The following GRB14 variants were observed in gnomAD, a reference collection of about 807,000 sequenced individuals.
The protein encoded by GRB14 is growth factor receptor-bound protein 14.
A neutral mutation model predicts 69.1 loss-of-function variants in GRB14; 38 were observed. The observed-to-expected ratio is 0.55, with a 90% CI of 0.42 to 0.72. The LOEUF is 0.72. Ranked by LOEUF, GRB14 falls within the 30% of genes least tolerant of loss-of-function variation. GRB14 has a pLI of 0.00. For missense variants in GRB14, 666 were observed against 666.1 expected (o/e 1.00, Z 0.00); for synonymous variants, 247 against 241.3 (o/e 1.02, Z -0.22).
Position 164,492,923 on chromosome 2 carries a change from C to T in GRB14, c.*113G>A. 2.2e-6 allele frequency: 2 copies of T among 920,338 alleles called. No individual in the cohort carries two copies. The highest frequency in any genetic ancestry group is 2.6e-5 in the East Asian group (1 of 37,914). 57.0% of individuals were successfully genotyped at this position (920,338 alleles called of 1,614,324 possible). On this transcript the variant is annotated 3_prime_UTR_variant, in exon 14 of 14. Transcript: ENST00000263915. ...GCACAAACTATTTTTTTGTAACTTG[C>T]AGGTGAAATACATTCTTTTCACATG...
chr2:164,538,874 A>G lies in GRB14; in HGVS notation c.481+8786T>C, dbSNP rs76760201. On this transcript the variant is annotated intron_variant, in intron 3 of 13. Coordinates refer to ENST00000263915, the MANE Select transcript of GRB14 (RefSeq NM_004490.3). ...AGGTGAACTGGGTTGGCTCAGTTCA[A>G]TCTCAGTAATTTCATTACCACCTGG... is the stretch of plus-strand genomic sequence containing the variant. Among the ~76,000 whole-genome samples the G allele has an allele frequency of 1.2e-3, 187 of 152,256 alleles. 6 individuals are homozygous for G. In the East Asian group the frequency reaches 0.033, roughly 27 times the overall value.
At chr2:164,603,472 T>G (rs763039786) in intron 2 of GRB14, among the ~76,000 whole-genome samples, 1 of 152,046 alleles carries the variant, frequency 6.6e-6, no homozygotes, top group Non-Finnish European at 1.5e-5. Context: ...GAGACCAGCC[T>G]GGCCAACATA....
In GRB14 at chr2:164,619,700, G is replaced by T. The variant is rs1351008737; in HGVS notation, c.311C>A (p.Ser104Ter). ...LSADLFPKAN[S>*]RKKQVIKVYS... ...AAAAATGCATACCTGTTTTTTCCTT[G>T]AATTTGCTTTGGGAAATAGGTCTGC... Residue 104 changes from serine (S) to a stop codon, truncating the protein, a stop_gained, in exon 2 of 14, where the codon TCA becomes TAA. Coordinates refer to ENST00000263915, the MANE Select transcript of GRB14 (RefSeq NM_004490.3). LOFTEE classifies it high-confidence loss of function. 3.2e-6 allele frequency: 5 copies of T among 1,574,656 alleles called. No individual in the cohort carries two copies. Among genetic ancestry groups the T allele is most frequent in the Non-Finnish European group, 3.4e-6 (4 of 1,168,154 alleles).
chr2:164,512,295 T>C (rs1687360018), intron 6 of GRB14, among the ~76,000 whole-genome samples: 1 of 152,124 alleles, frequency 6.6e-6, no homozygotes. Flanking sequence ...GCCTCCTGAG[T>C]AGCTGGTATT....
At chr2:164,572,031 T>C (rs1462341625) in intron 2 of GRB14, among the ~76,000 whole-genome samples, 2 of 152,198 alleles carry the variant, frequency 1.3e-5, no homozygotes, top group East Asian at 3.8e-4. Context: ...CTGTGCTGTT[T>C]ATTATGGAGA....
chr2:164,572,957 C>G (rs1034556699), intron 2 of GRB14, among the ~76,000 whole-genome samples: 7 of 152,146 alleles, frequency 4.6e-5, no homozygotes, highest in Non-Finnish European at 1.0e-4. Flanking sequence ...GTGCTGTGCC[C>G]CCTTGGGATA....
chr2:164,578,539 C>CAG (rs1350842559), intron 2 of GRB14, among the ~76,000 whole-genome samples: 3 of 151,764 alleles, frequency 2.0e-5, no homozygotes, highest in African/African-American at 7.3e-5. Flanking sequence ...CACACACACA[C>CAG]ACACACACAC....
At chr2:164,582,430 T>A (rs933501590) in intron 2 of GRB14, among the ~76,000 whole-genome samples, 1,671 of 147,210 alleles carry the variant, frequency 0.011, 32 homozygotes, top group African/African-American at 0.036. Flanking sequence ...TATTATTTTT[T>A]TTTTTTTTTG....
At chr2:164,617,140 C>T (rs1486771887) in intron 2 of GRB14, among the ~76,000 whole-genome samples, 2 of 152,096 alleles carry the variant, frequency 1.3e-5, no homozygotes, top group Non-Finnish European at 2.9e-5. Flanking sequence ...TAAAAAGCAG[C>T]CTCCCTCCTC....
intron 2 of GRB14, among the ~76,000 whole-genome samples, chr2:164,584,735 T>C (rs1383116334): frequency 3.3e-5 from 5 of 152,194 alleles, no homozygotes; most frequent in Admixed American, 6.5e-5. Context: ...CCCCAAATAT[T>C]ATAAATCACA....
chr2:164,494,421 A>C lies in GRB14; in HGVS notation c.1476+10T>G. 7.2e-7 allele frequency: 1 copy of C among 1,391,594 alleles called. No individual in the cohort carries two copies. Among genetic ancestry groups the C allele is most frequent in the East Asian group, 2.3e-5 (1 of 43,828 alleles). The allele number at this position is 1,391,594 out of a possible 1,614,324, so 86.2% of individuals were successfully genotyped here. A position where few individuals can be genotyped will look rare whatever the true frequency, so the allele number is the denominator to read the frequency against. ...TCTAATACACAAATGTGAAATCACG[A>C]ATTACTTACTGGTATAATTTGAAAG... On this transcript the variant is annotated intron_variant, in intron 13 of 13. Transcript: ENST00000263915.
chr2:164,582,810 T>C (rs925194600), intron 2 of GRB14, among the ~76,000 whole-genome samples: 1 of 152,212 alleles, frequency 6.6e-6, no homozygotes, highest in African/African-American at 2.4e-5. Context: ...CACACCGTCA[T>C]GGAAATAGCT....
In GRB14 at chr2:164,494,449, C is replaced by T; in HGVS notation, c.1458G>A (p.Lys486=). The part of the protein sequence containing the change: ...VLSMSHGQKI[K]HFQIIPVEDD... ...TACTTACTGGTATAATTTGAAAGTGCTTTATTTTTTGTCCATGACTCATTG... is the reference window on the plus strand; with the variant it reads ...TACTTACTGGTATAATTTGAAAGTGTTTTATTTTTTGTCCATGACTCATTG... The change falls in exon 13 of 14, where the codon AAG becomes AAA. Residue 486 remains lysine (K), a synonymous_variant. Coordinates refer to ENST00000263915, the MANE Select transcript of GRB14 (RefSeq NM_004490.3). The T allele has an allele frequency of 1.3e-6, 2 of 1,586,926 alleles. No individual in the cohort carries two copies. The highest frequency in any genetic ancestry group is 1.7e-4 in the Middle Eastern group (1 of 6,016).
chr2:164,567,008 T>C (rs535452851), intron 2 of GRB14, among the ~76,000 whole-genome samples: 1 of 152,204 alleles, frequency 6.6e-6, no homozygotes, highest in African/African-American at 2.4e-5. Context: ...AACTGCAATA[T>C]TAACCGGATA....
chr2:164,548,505 G>A (rs1255908164), intron 2 of GRB14, among the ~76,000 whole-genome samples: 1 of 152,122 alleles, frequency 6.6e-6, no homozygotes, highest in Non-Finnish European at 1.5e-5. Flanking sequence ...TGTAAATAAT[G>A]CTGCAATGAA....
chr2:164,620,169 T>C (rs988702990), intron 1 of GRB14, among the ~76,000 whole-genome samples: 12 of 148,444 alleles, frequency 8.1e-5, no homozygotes, highest in Non-Finnish European at 1.5e-4. Flanking sequence ...AACAGAAAAA[T>C]AGACTATACA....
chr2:164,613,219 C>G (rs1160827782), intron 2 of GRB14, among the ~76,000 whole-genome samples: 1 of 152,204 alleles, frequency 6.6e-6, no homozygotes, highest in Non-Finnish European at 1.5e-5. Context: ...ATTGGTGGAT[C>G]ATCATATATC....
chr2:164,548,632 C>T (rs1688447268), intron 2 of GRB14, among the ~76,000 whole-genome samples: 1 of 152,110 alleles, frequency 6.6e-6, no homozygotes, highest in African/African-American at 2.4e-5. Flanking sequence ...TTACAAATAT[C>T]CATACTGTTT....
chr2:164,611,368 G>T (rs1186477552), intron 2 of GRB14, among the ~76,000 whole-genome samples: 1 of 152,140 alleles, frequency 6.6e-6, no homozygotes, highest in Admixed American at 6.6e-5. Context: ...GGTGGCAGCA[G>T]AGATGGGGAG....
Sources: allele counts gnomAD v4.1 joint callset (sites outside exome capture counted in the v4.1 genomes callset), GRCh38; gene constraint gnomAD v4.1.1; transcripts MANE v1.5; gene names NCBI Gene and HGNC (gene_info 2026-07-23, HGNC 2026-07-21).